METTL9: variants seen among roughly 807,000 people sequenced by gnomAD.
METTL9 encodes methyltransferase 9, His-X-His N1(pi)-histidine.
Under a neutral mutation model 36.0 loss-of-function variants are expected in METTL9, and 10 were observed. The ratio of observed to expected loss-of-function variants is 0.28; its 90% CI spans 0.17 to 0.47. The LOEUF (loss-of-function observed/expected upper bound fraction) is 0.47, where lower values mean the gene tolerates loss of function less well. Ranked by LOEUF, METTL9 falls within the 20% of genes least tolerant of loss-of-function variation. The pLI is 0.99. For missense variants in METTL9, 246 were observed against 383.5 expected (o/e 0.64, Z 3.00); for synonymous variants, 175 against 149.7 (o/e 1.17, Z -1.23).
At chr16:21,618,285 C>CT (rs1375652004) in intron 3 of METTL9, among the ~76,000 whole-genome samples, 1 of 152,060 alleles carries the variant, frequency 6.6e-6, no homozygotes, top group Non-Finnish European at 1.5e-5. Context: ...CGAGAGACAA[C>CT]TTGGAAAAGG....
rs1246842773 is a variant in METTL9 at position 21,624,991 on chromosome 16, G to A, written c.627G>A (p.Leu209=). 6.2e-7 allele frequency: 1 copy of A among 1,614,024 alleles called. No individual in the cohort carries two copies. The highest frequency in any genetic ancestry group is 8.5e-7 in the Non-Finnish European group (1 of 1,180,038). Residue 209 remains leucine (L), a synonymous_variant, in exon 4 of 5, where the codon CTG becomes CTA. Coordinates refer to ENST00000358154, the MANE Select transcript of METTL9 (RefSeq NM_016025.5). ...TCCAGTATGATGTCATCAGCTGCCT[G>A]AACTTGCTGGACCGCTGTGATCAGC... ...TGFQYDVISC[L]NLLDRCDQPL... is the part of the protein sequence containing the mutation.
chr16:21,644,455 A>AT (rs772131869), intron 4 of METTL9: 14 of 1,202,928 alleles, frequency 1.2e-5, no homozygotes, highest in Non-Finnish European at 1.7e-5. Flanking sequence ...TTTCAAATAC[A>AT]TGTGTAAAGT....
intron 1 of METTL9, among the ~76,000 whole-genome samples, chr16:21,605,804 G>T (rs921284702): frequency 2.0e-5 from 3 of 152,082 alleles, no homozygotes; most frequent in African/African-American, 7.2e-5. Flanking sequence ...CCATCACCAA[G>T]TGGGTGTTTA....
intron 4 of METTL9, among the ~76,000 whole-genome samples, chr16:21,638,615 TAGAAAC>T (rs1339481311): frequency 6.6e-6 from 1 of 152,146 alleles, no homozygotes; most frequent in Non-Finnish European, 1.5e-5. Flanking sequence ...ACAATATAGA[TAGAAAC>T]AGATAATGGC....
At chr16:21,624,079 T>C (rs1478128589) in intron 3 of METTL9, among the ~76,000 whole-genome samples, 2 of 152,172 alleles carry the variant, frequency 1.3e-5, no homozygotes, top group Non-Finnish European at 2.9e-5. Flanking sequence ...CTTTTCTGTA[T>C]AGTTATTCAG....
rs80325581 is a variant in METTL9 at position 21,620,280 on chromosome 16, G to C, written c.566+2206G>C. Reference sequence around the variant, plus strand: ...TTTGAAAGCCCCTTAGCTTTAGCAAGCTGTCTCAGATAAGGTTCTGGTGGG... The same window carrying C: ...TTTGAAAGCCCCTTAGCTTTAGCAACCTGTCTCAGATAAGGTTCTGGTGGG... On this transcript the variant is annotated intron_variant, in intron 3 of 4. Coordinates refer to ENST00000358154, the MANE Select transcript of METTL9 (RefSeq NM_016025.5). Among the ~76,000 whole-genome samples the C allele has an allele frequency of 8.9e-3, 1,349 of 152,278 alleles. 45 individuals carry two copies. The highest frequency in any genetic ancestry group is 0.082 in the East Asian group (428 of 5,190).
At chr16:21,646,225 A>G (rs1966425365) in intron 4 of METTL9, among the ~76,000 whole-genome samples, 1 of 151,830 alleles carries the variant, frequency 6.6e-6, no homozygotes, top group South Asian at 2.1e-4. Context: ...AATTACTGAT[A>G]GGATTTAGCT....
At chr16:21,626,067 C>G (rs1174565909) in intron 4 of METTL9, among the ~76,000 whole-genome samples, 1 of 152,022 alleles carries the variant, frequency 6.6e-6, no homozygotes, top group Non-Finnish European at 1.5e-5. Flanking sequence ...CTATGCCTGG[C>G]TAATTTTTGT....
chr16:21,599,446 G>A, upstream of METTL9: 1 of 1,147,970 alleles, frequency 8.7e-7, no homozygotes. The surrounding 1 kb of genome is among the most constrained non-coding windows in gnomAD (Gnocchi z 4.4). Flanking sequence ...TCATTGGACG[G>A]AGGGAGGGCG....
intron 1 of METTL9, among the ~76,000 whole-genome samples, chr16:21,609,286 A>G (rs563904996): frequency 1.3e-5 from 2 of 152,300 alleles, no homozygotes; most frequent in South Asian, 2.1e-4. Flanking sequence ...AATTCTGTTT[A>G]GGCTGCCTGT....
intron 2 of METTL9, among the ~76,000 whole-genome samples, chr16:21,614,204 GTTATATT>G (rs1056866506): frequency 6.6e-6 from 1 of 152,122 alleles, no homozygotes; most frequent in Non-Finnish European, 1.5e-5. Context: ...CCTTAAATTG[GTTATATT>G]GAATTTCTGT....
chr16:21,601,682 C>G (rs1965130947), intron 1 of METTL9, among the ~76,000 whole-genome samples: 1 of 151,862 alleles, frequency 6.6e-6, no homozygotes, highest in South Asian at 2.1e-4. Context: ...CTAATGAAAA[C>G]TAATACTGGT....
At chr16:21,643,537 T>G in intron 4 of METTL9, 1 of 1,557,998 alleles carries the variant, frequency 6.4e-7, no homozygotes, top group Non-Finnish European at 8.8e-7. Flanking sequence ...TTTTCAAGTG[T>G]TGGTCTGTAC....
chr16:21,639,639 A>C (rs1276848252), intron 4 of METTL9: 5 of 152,206 alleles, frequency 3.3e-5, no homozygotes, highest in African/African-American at 9.7e-5. Context: ...TGTATAAGGT[A>C]CAAAGGTACA....
At chr16:21,651,818 T>G (rs1404726161) in intron 4 of METTL9, 1 of 152,192 alleles carries the variant, frequency 6.6e-6, no homozygotes, top group Non-Finnish European at 1.5e-5. Context: ...TTTAAAATAA[T>G]GCTAATTAAA....
chr16:21,624,106 G>A (rs1039587033), intron 3 of METTL9, among the ~76,000 whole-genome samples: 5 of 152,156 alleles, frequency 3.3e-5, no homozygotes, highest in African/African-American at 7.2e-5. Flanking sequence ...AGATTCTCAA[G>A]TATGAAATAT....
intron 4 of METTL9, among the ~76,000 whole-genome samples, chr16:21,636,636 C>T (rs1966101327): frequency 6.6e-6 from 1 of 152,196 alleles, no homozygotes; most frequent in Non-Finnish European, 1.5e-5. Context: ...TGGCTTTCCT[C>T]TCTGTCGACC....
chr16:21,651,121 G>T (rs1003762079), intron 4 of METTL9, among the ~76,000 whole-genome samples: 9 of 152,134 alleles, frequency 5.9e-5, no homozygotes, highest in Admixed American at 2.0e-4. Context: ...TACTCGGGAG[G>T]CTGAGGCAGG....
chr16:21,633,598 T>A (rs1295878013), intron 4 of METTL9, among the ~76,000 whole-genome samples: 3 of 152,144 alleles, frequency 2.0e-5, no homozygotes, highest in African/African-American at 7.2e-5. Flanking sequence ...CCATTCTGCC[T>A]CCTCTGGTAT....
Sources: allele counts gnomAD v4.1 joint callset (sites outside exome capture counted in the v4.1 genomes callset), GRCh38; gene constraint gnomAD v4.1.1; non-coding constraint Gnocchi (gnomAD v3.1); transcripts MANE v1.5; gene names NCBI Gene and HGNC (gene_info 2026-07-23, HGNC 2026-07-21).